The following WWTR1 variants were observed in gnomAD, a reference collection of about 807,000 sequenced individuals.
WWTR1 encodes the protein WW domain-containing transcription regulator protein 1.
WWTR1 carries 13 observed loss-of-function variants against 40.1 expected under a neutral mutation model. That is an observed-to-expected ratio of 0.32 (90% CI 0.21 to 0.52). The LOEUF is 0.52. WWTR1 is among the 20% of genes least tolerant of loss of function. WWTR1 has a pLI of 0.97. For missense variants in WWTR1, 436 were observed against 523.1 expected, an observed-to-expected ratio of 0.83 and a Z score of 1.63; for synonymous variants, 230 against 210.1, an observed-to-expected ratio of 1.09 and a Z score of -0.82.
At chr3:149,562,974 T>A (rs987882821) in intron 3 of WWTR1, among the ~76,000 whole-genome samples, 1 of 152,056 alleles carries the variant, frequency 6.6e-6, no homozygotes, top group African/African-American at 2.4e-5. Flanking sequence ...TCAGCACTTA[T>A]CAATTTGGAA....
chr3:149,631,311 T>C (rs536375554), intron 2 of WWTR1, among the ~76,000 whole-genome samples: 4 of 152,210 alleles, frequency 2.6e-5, no homozygotes, highest in Non-Finnish European at 5.9e-5. Flanking sequence ...ATAATTTTTT[T>C]AAGTTGTTAC....
At chr3:149,630,275 G>C (rs1015820314) in intron 2 of WWTR1, among the ~76,000 whole-genome samples, 3 of 152,146 alleles carry the variant, frequency 2.0e-5, no homozygotes, top group African/African-American at 7.2e-5. Context: ...AATTATAAGA[G>C]TGTTAGTCCC....
chr3:149,554,632 T>C (rs1736742780), intron 3 of WWTR1, among the ~76,000 whole-genome samples: 1 of 152,150 alleles, frequency 6.6e-6, no homozygotes, highest in Non-Finnish European at 1.5e-5. Context: ...CATTATAATA[T>C]ATCCAGGGAA....
intron 4 of WWTR1, among the ~76,000 whole-genome samples, chr3:149,540,033 T>A (rs554681247): frequency 6.7e-6 from 1 of 148,294 alleles, no homozygotes; most frequent in East Asian, 2.0e-4. Flanking sequence ...TAAAAAGGCA[T>A]CAGAACACCA....
intron 2 of WWTR1, among the ~76,000 whole-genome samples, chr3:149,600,397 C>A (rs375372915): frequency 6.6e-6 from 1 of 152,176 alleles, no homozygotes; most frequent in Non-Finnish European, 1.5e-5. Flanking sequence ...ATTAGTTAAG[C>A]TAATAAAGTC....
intron 2 of WWTR1, among the ~76,000 whole-genome samples, chr3:149,609,678 C>T (rs1158356644): frequency 6.6e-6 from 1 of 152,166 alleles, no homozygotes; most frequent in Non-Finnish European, 1.5e-5. Context: ...TAGCCCTTTA[C>T]AGAAAATGTT....
At chr3:149,651,866 G>A (rs968439800) in intron 2 of WWTR1, among the ~76,000 whole-genome samples, 17 of 131,858 alleles carry the variant, frequency 1.3e-4, no homozygotes, top group African/African-American at 4.9e-4. Flanking sequence ...GTCTGGCTCT[G>A]TTGCCCAGGC....
intron 5 of WWTR1, among the ~76,000 whole-genome samples, chr3:149,710,580 C>CG (rs1438796487): frequency 9.5e-5 from 8 of 84,428 alleles, no homozygotes; most frequent in African/African-American, 3.7e-4. Flanking sequence ...TCCCCCCCCC[C>CG]CCTTTTTTTT....
At chr3:149,609,037 C>T (rs1451713501) in intron 2 of WWTR1, among the ~76,000 whole-genome samples, 1 of 152,138 alleles carries the variant, frequency 6.6e-6, no homozygotes, top group African/African-American at 2.4e-5. Context: ...CCATTGCCCT[C>T]CTGCCTGGGT....
chr3:149,617,081 A>G (rs1740009809), intron 2 of WWTR1, among the ~76,000 whole-genome samples: 1 of 152,244 alleles, frequency 6.6e-6, no homozygotes, highest in Admixed American at 6.5e-5. Flanking sequence ...CCATTTTTAG[A>G]CATGCTATCT....
At position 149,520,903 on chromosome 3, in the gene WWTR1, C is replaced by G. The variant is rs765794546; in HGVS notation, c.1105G>C (p.Val369Leu). Residue 369 changes from valine (V) to leucine (L), a missense_variant, in exon 7 of 7, where the codon GTT (valine) becomes CTT (leucine). By Grantham distance (32) the Val-to-Leu change is conservative. Transcript: ENST00000360632. ...TCAGATTCCAAAGTTCCTAAGTCAA[C>G]GTTTGTTCCTGGAAGACAGTCAAGG... ...DFLDCLPGTN[V>L]DLGTLESEDL... The G allele has an allele frequency of 1.2e-6, 2 of 1,613,484 alleles. No individual in the cohort carries two copies. Among genetic ancestry groups the G allele is most frequent in the Non-Finnish European group, 1.7e-6 (2 of 1,179,798 alleles).
chr3:149,615,908 T>C (rs921840189), intron 2 of WWTR1, among the ~76,000 whole-genome samples: 4 of 152,196 alleles, frequency 2.6e-5, no homozygotes, highest in Non-Finnish European at 4.4e-5. Context: ...TAGTGCATCC[T>C]GTTTTTCTAG....
Position 149,527,934 on chromosome 3 carries a change from A to G in WWTR1, c.807T>C (p.Ala269=). 6.2e-7 allele frequency: 1 copy of G among 1,614,162 alleles called. No individual in the cohort carries two copies. The highest frequency in any genetic ancestry group is 1.3e-5 in the African/African-American group (1 of 75,058). Residue 269 remains alanine (A), a synonymous_variant, in exon 5 of 7, where the codon GCT becomes GCC. Coordinates refer to ENST00000360632, the MANE Select transcript of WWTR1 (RefSeq NM_015472.6). The part of the protein sequence containing the change: ...AALCRQLPME[A]ETLAPVQAAV... Reference sequence around the variant, plus strand: ...CAGCCTGAACTGGGGCAAGAGTCTCAGCTTCCATGGGGAGCTGTCGACAGA... The same window carrying G: ...CAGCCTGAACTGGGGCAAGAGTCTCGGCTTCCATGGGGAGCTGTCGACAGA...
chr3:149,721,142 A>G (rs1263937362), intron 4 of WWTR1, among the ~76,000 whole-genome samples: 3 of 152,076 alleles, frequency 2.0e-5, no homozygotes, highest in Non-Finnish European at 4.4e-5. Context: ...AGCATTTCCA[A>G]TGCTATACGG....
At position 149,590,968 on chromosome 3, in the gene WWTR1, C is replaced by T. The variant is rs553268762; in HGVS notation, c.432-17968G>A. Among the ~76,000 whole-genome samples the T allele has an allele frequency of 4.5e-4, 68 of 151,784 alleles. No homozygotes were observed. In the South Asian group the frequency reaches 0.013, roughly 30 times the overall value. On this transcript the variant is annotated intron_variant, in intron 2 of 6. Transcript: ENST00000360632. The stretch of plus-strand genomic sequence containing the variant: ...TGTCCCTCCTGAAACCCTTGAGTCA[C>T]ACAGTATGTCAACTTGCCTGCAAAA...
At chr3:149,590,467 T>C (rs1738645923) in intron 2 of WWTR1, among the ~76,000 whole-genome samples, 1 of 152,134 alleles carries the variant, frequency 6.6e-6, no homozygotes, top group Admixed American at 6.5e-5. Flanking sequence ...CTGGCCAACG[T>C]GGTGAAACCC....
At chr3:149,614,638 C>T (rs1373965094) in intron 2 of WWTR1, among the ~76,000 whole-genome samples, 2 of 152,096 alleles carry the variant, frequency 1.3e-5, no homozygotes, top group Non-Finnish European at 2.9e-5. Flanking sequence ...CTCTTTTGAC[C>T]TAAGAAGTCT....
intron 2 of WWTR1, among the ~76,000 whole-genome samples, chr3:149,656,145 C>G (rs1713192048): frequency 6.6e-6 from 1 of 152,146 alleles, no homozygotes; most frequent in African/African-American, 2.4e-5. Context: ...TTGAAAATTT[C>G]AACTAATGTA....
At position 149,542,549 on chromosome 3, in the gene WWTR1, A is replaced by C. The variant is rs1210124549; in HGVS notation, c.569-12T>G. The C allele has an allele frequency of 6.2e-7, 1 of 1,601,006 alleles. No homozygotes were observed. The highest frequency in any genetic ancestry group is 8.5e-7 in the Non-Finnish European group (1 of 1,172,292). On this transcript the variant is annotated splice_polypyrimidine_tract_variant and intron_variant, in intron 3 of 6. Coordinates refer to ENST00000360632, the MANE Select transcript of WWTR1 (RefSeq NM_015472.6). Reference sequence around the variant, plus strand: ...TTGGTGATTCATCACTGCAAGAGGGAAGAACATACAGATTAATGACCAGGG... The same window carrying C: ...TTGGTGATTCATCACTGCAAGAGGGCAGAACATACAGATTAATGACCAGGG...
Sources: gnomAD v4.1 joint callset for allele counts (sites outside exome capture counted in the v4.1 genomes callset) on GRCh38, gnomAD v4.1.1 for gene constraint, MANE v1.5 for transcripts, NCBI Gene and HGNC (gene_info 2026-07-23, HGNC 2026-07-21) for gene names.